Variants in TAPBPL observed in about 807,000 individuals in gnomAD.
The protein encoded by TAPBPL is tapasin-related protein.
TAPBPL carries 32 observed loss-of-function variants against 44.8 expected under a neutral mutation model. The observed-to-expected ratio is 0.71, with a 90% CI of 0.54 to 0.96. The LOEUF is 0.96. Ranked by LOEUF, TAPBPL falls within the 40% of genes least tolerant of loss-of-function variation. TAPBPL has a pLI of 0.00. For synonymous variants in TAPBPL, 230 were observed against 240.7 expected, an observed-to-expected ratio of 0.96 and a Z score of 0.41; for missense variants, 520 against 586.6, an observed-to-expected ratio of 0.89 and a Z score of 1.17.
chr12:6,451,685 C>T, upstream of TAPBPL: 3 of 367,620 alleles, frequency 8.2e-6, no homozygotes, highest in Admixed American at 4.2e-5. Flanking sequence ...TGCTACAAGA[C>T]GGGCAAAATA....
At chr12:6,459,724 TTTTATTTATTTATTTATTTATTTA>T (rs143107897) in intron 5 of TAPBPL, among the ~76,000 whole-genome samples, 2 of 146,066 alleles carry the variant, frequency 1.4e-5, no homozygotes, top group Admixed American at 1.4e-4. Flanking sequence ...TGTTGAAAGG[TTTTATTTATTTATTTATTTATTTA>T]TTTATTTATT....
intron 5 of TAPBPL, among the ~76,000 whole-genome samples, chr12:6,459,155 C>A (rs1397309277): frequency 6.6e-6 from 1 of 152,238 alleles, no homozygotes; most frequent in Admixed American, 6.5e-5. Flanking sequence ...ATACTCCAGC[C>A]TCCAGGGTGT....
chr12:6,455,609 A>G (rs902104442), intron 3 of TAPBPL, among the ~76,000 whole-genome samples: 2 of 152,024 alleles, frequency 1.3e-5, no homozygotes, highest in Non-Finnish European at 2.9e-5. Flanking sequence ...ATACTTTTAG[A>G]TATTTTTTAA....
chr12:6,465,466 AGTGTGTGTGTGTGTGTGTG>A (rs1949999391), downstream of TAPBPL: 1 of 103,200 alleles, frequency 9.7e-6, no homozygotes, highest in African/African-American at 4.7e-5. Context: ...GTGTATATAT[AGTGTGTGTGTGTGTGTGTG>A]TGTGTGTATG....
At chr12:6,456,764 T>C (rs1459705465) in intron 3 of TAPBPL, among the ~76,000 whole-genome samples, 3 of 152,048 alleles carry the variant, frequency 2.0e-5, no homozygotes, top group Non-Finnish European at 2.9e-5. Flanking sequence ...GCAATTCTCC[T>C]GTCTCAGCCT....
At chr12:6,451,678 T>TAC (rs1242168030), upstream of TAPBPL, 1 of 382,610 alleles carries the variant, frequency 2.6e-6, no homozygotes, top group Non-Finnish European at 4.7e-6. Context: ...ACCCACATGC[T>TAC]ACAAGACGGG....
At chr12:6,463,464 G>C (rs1240758389), downstream of TAPBPL, 1 of 1,039,820 alleles carries the variant, frequency 9.6e-7, no homozygotes, top group East Asian at 9.2e-5. This position sits in a 1 kb window ranked among gnomAD's most constrained non-coding sequence, Gnocchi z 4.0. Flanking sequence ...GGTGTCCAAA[G>C]ATCTCACACT....
chr12:6,457,887 A>C (rs915319029), intron 4 of TAPBPL, 143 bp downstream of exon 4: 19 of 918,626 alleles, frequency 2.1e-5, no homozygotes, highest in Non-Finnish European at 2.9e-5. Flanking sequence ...TCACCATGGA[A>C]GCACAGATGG....
chr12:6,463,759 CACATGGGACTGCTTCTAGGATGGAA>C (rs1949937436), downstream of TAPBPL: 1 of 1,168,158 alleles, frequency 8.6e-7, no homozygotes, highest in African/African-American at 1.6e-5. The surrounding 1 kb of genome is among the most constrained non-coding windows in gnomAD (Gnocchi z 4.0). Flanking sequence ...CAGCTAGAAG[CACATGGGACTGCTTCTAGGATGGAA>C]ACAAGTCCTG....
At chr12:6,470,621 C>A (rs1945750649), downstream of TAPBPL, 5 of 1,559,240 alleles carry the variant, frequency 3.2e-6, no homozygotes, top group Non-Finnish European at 2.6e-6. Flanking sequence ...GTGGACGGAA[C>A]TGCCAAGCTC....
downstream of TAPBPL, chr12:6,464,453 G>A (rs748627588): frequency 1.3e-6 from 2 of 1,564,666 alleles, no homozygotes; most frequent in Non-Finnish European, 1.7e-6. Context: ...GGACAACAGG[G>A]AAGGGGTGGT....
chr12:6,459,646 G>A (rs1056371096), intron 5 of TAPBPL, among the ~76,000 whole-genome samples: 2 of 152,126 alleles, frequency 1.3e-5, no homozygotes, highest in African/African-American at 2.4e-5. Flanking sequence ...TTCCCCTTAC[G>A]GGCTTAATTA....
downstream of TAPBPL, chr12:6,462,854 C>T (rs1006213055): frequency 6.9e-6 from 11 of 1,605,568 alleles, no homozygotes; most frequent in East Asian, 2.2e-5. Flanking sequence ...TTGGGCAGGA[C>T]GAAGGGAATG....
the TAPBPL span, among the ~76,000 whole-genome samples, chr12:6,471,706 A>G: frequency 6.6e-6 from 1 of 152,160 alleles, no homozygotes; most frequent in African/African-American, 2.4e-5. This position sits in a 1 kb window ranked among gnomAD's most constrained non-coding sequence, Gnocchi z 4.0. Flanking sequence ...GGGCGCCTGT[A>G]ATCCCAGCTA....
At chr12:6,455,453 A>G (rs927482568) in intron 3 of TAPBPL, among the ~76,000 whole-genome samples, 2 of 152,162 alleles carry the variant, frequency 1.3e-5, no homozygotes, top group African/African-American at 4.8e-5. Context: ...ACAAAAATAA[A>G]ATCAGCTAAA....
At chr12:6,464,457 G>T, downstream of TAPBPL, 1 of 1,560,296 alleles carries the variant, frequency 6.4e-7, no homozygotes, top group Admixed American at 1.9e-5. Flanking sequence ...AACAGGGAAG[G>T]GGTGGTACAT....
At chr12:6,459,785 T>C (rs1012267715) in intron 5 of TAPBPL, among the ~76,000 whole-genome samples, 5 of 151,928 alleles carry the variant, frequency 3.3e-5, no homozygotes, top group African/African-American at 9.7e-5. Flanking sequence ...TTTTACTTTT[T>C]TTCGATACAG....
At chr12:6,466,215 A>G (rs773779000), downstream of TAPBPL, 16 of 1,614,152 alleles carry the variant, frequency 9.9e-6, no homozygotes, top group South Asian at 2.2e-5. Context: ...AGAAACAGCT[A>G]TCTACCTACC....
At chr12:6,461,999 C>T (rs758938038) in intron 6 of TAPBPL, 35 bp from the exon 7 acceptor site, 2 of 1,573,470 alleles carry the variant, frequency 1.3e-6, no homozygotes, top group African/African-American at 2.7e-5. Flanking sequence ...TGTGAGATGC[C>T]CACGCAACTT....
Sources: gnomAD v4.1 joint callset for allele counts (sites outside exome capture counted in the v4.1 genomes callset) on GRCh38, gnomAD v4.1.1 for gene constraint, Gnocchi (gnomAD v3.1) non-coding constraint, MANE v1.5 for transcripts, NCBI Gene and HGNC (gene_info 2026-07-23, HGNC 2026-07-21) for gene names.